The following NELL1 variants were observed in gnomAD, a reference collection of about 807,000 sequenced individuals.
NELL1 encodes the protein neural EGFL like 1, also known as protein kinase C-binding protein NELL1.
In NELL1, 76 loss-of-function variants were observed where a neutral mutation model predicts 107.4. The ratio of observed to expected loss-of-function variants is 0.71; its 90% confidence interval spans 0.59 to 0.86. NELL1 has a LOEUF of 0.86. NELL1 is among the 40% of genes least tolerant of loss of function. NELL1 has a pLI of 0.00. For missense variants in NELL1, 1,024 were observed against 1,005.5 expected, an observed-to-expected ratio of 1.02 and a Z score of -0.25; for synonymous variants, 353 against 341.2, an observed-to-expected ratio of 1.03 and a Z score of -0.38.
chr11:21,452,392 C>G (rs1230092903), intron 15 of NELL1, among the ~76,000 whole-genome samples: 1 of 152,006 alleles, frequency 6.6e-6, no homozygotes, highest in Non-Finnish European at 1.5e-5. Flanking sequence ...TTGAAGTTTT[C>G]TATTTTTTCC....
chr11:21,337,817 C>CTTCTTTCTTTCTTGCTTTCCTTCT (rs1850460057), intron 14 of NELL1, among the ~76,000 whole-genome samples: 1 of 32,374 alleles, frequency 3.1e-5, no homozygotes, highest in Non-Finnish European at 6.7e-5. Context: ...TCTTGCTTTC[C>CTTCTTTCTTTCTTGCTTTCCTTCT]TTCTTTCTTT....
chr11:21,232,147 T>TAAA lies in NELL1; in HGVS notation c.1549+2704_1549+2706dup, dbSNP rs869244876. On this transcript the variant is annotated intron_variant, in intron 14 of 19. Coordinates refer to ENST00000357134, the MANE Select transcript of NELL1 (RefSeq NM_006157.5). Reference sequence around the variant, plus strand: ...AAACTCCATCTCTACTAAAAAAAAATAAAAAAAAAAAAATATATATATATA... The same window carrying TAAA: ...AAACTCCATCTCTACTAAAAAAAAATAAAAAAAAAAAAAAAATATATATATATA... Among the ~76,000 whole-genome samples, 76 of 90,498 alleles carry TAAA rather than the reference T, an allele frequency of 8.4e-4. 1 individual carries two copies. The highest frequency in any genetic ancestry group is 5.7e-3 in the Middle Eastern group (1 of 176). The allele number at this position is 90,498 out of a possible 152,430, so 59.4% of individuals were successfully genotyped here. A position where few individuals can be genotyped will look rare whatever the true frequency, so the allele number is the denominator to read the frequency against.
rs141449951 is a variant in NELL1, at chr11:21,493,713, A to C, written c.1646-40661A>C. On this transcript the variant is annotated intron_variant, in intron 15 of 19. Coordinates refer to ENST00000357134, the MANE Select transcript of NELL1 (RefSeq NM_006157.5). The stretch of plus-strand genomic sequence containing the variant: ...AGATAGGGTGACTATAGTTAGCAAG[A>C]ATGTATTATGTATTTAAAAGAAGTT... Among the ~76,000 whole-genome samples the C allele has an allele frequency of 7.9e-3, 1,195 of 152,136 alleles. 21 individuals are homozygous for C. Among genetic ancestry groups the C allele is most frequent in the African/African-American group, 0.028 (1,148 of 41,556 alleles).
chr11:20,958,997 C>T (rs776394230), intron 11 of NELL1, among the ~76,000 whole-genome samples: 2 of 152,096 alleles, frequency 1.3e-5, no homozygotes, highest in Non-Finnish European at 2.9e-5. Flanking sequence ...AAGTACAGTC[C>T]GATGGCATTT....
chr11:21,423,952 A>G (rs1426535177), intron 15 of NELL1, among the ~76,000 whole-genome samples: 1 of 152,254 alleles, frequency 6.6e-6, no homozygotes, highest in African/African-American at 2.4e-5. Context: ...TAACACACCC[A>G]AAGTTACAGC....
chr11:20,833,198 C>T (rs1230655145), intron 3 of NELL1, among the ~76,000 whole-genome samples: 2 of 152,158 alleles, frequency 1.3e-5, no homozygotes, highest in Non-Finnish European at 2.9e-5. Context: ...AATAGTACCT[C>T]CTTCTAGAGG....
chr11:21,348,111 A>AAAAAATAGG (rs1850724858), intron 14 of NELL1, among the ~76,000 whole-genome samples: 1 of 152,078 alleles, frequency 6.6e-6, no homozygotes, highest in Non-Finnish European at 1.5e-5. Context: ...TGTCTTCCAG[A>AAAAAATAGG]ATAATTTTTT....
At chr11:21,181,945 C>G (rs1353594440) in intron 13 of NELL1, among the ~76,000 whole-genome samples, 1 of 151,858 alleles carries the variant, frequency 6.6e-6, no homozygotes, top group Admixed American at 6.6e-5. Context: ...TATTCTAAGA[C>G]TTTACATATA....
At chr11:20,902,690 T>G (rs1371902247) in intron 5 of NELL1, among the ~76,000 whole-genome samples, 1 of 152,084 alleles carries the variant, frequency 6.6e-6, no homozygotes, top group Non-Finnish European at 1.5e-5. Flanking sequence ...TTTTTTTGTT[T>G]TGGTAATTTC....
intron 2 of NELL1, among the ~76,000 whole-genome samples, chr11:20,766,732 A>G (rs1445179921): frequency 1.3e-5 from 2 of 149,646 alleles, no homozygotes; most frequent in African/African-American, 2.5e-5. Context: ...CCTATTTCCT[A>G]TTGACATATT....
chr11:20,768,794 TC>T (rs999422060), intron 2 of NELL1, among the ~76,000 whole-genome samples: 23 of 152,116 alleles, frequency 1.5e-4, no homozygotes, highest in Non-Finnish European at 3.1e-4. Flanking sequence ...GGAAACAGTC[TC>T]CCCTAGAGCT....
At chr11:20,862,151 A>G (rs1848989952) in intron 4 of NELL1, among the ~76,000 whole-genome samples, 1 of 152,148 alleles carries the variant, frequency 6.6e-6, no homozygotes, top group African/African-American at 2.4e-5. Flanking sequence ...TGTGTCTGGT[A>G]AGTAAGTGTT....
At chr11:21,470,895 T>C (rs1486737418) in intron 15 of NELL1, among the ~76,000 whole-genome samples, 6 of 152,142 alleles carry the variant, frequency 3.9e-5, no homozygotes, top group African/African-American at 1.4e-4. Flanking sequence ...ATTTGTAAAA[T>C]GGTAAAAATA....
Position 20,936,422 on chromosome 11 carries a change from C to T in NELL1, c.998-1364C>T, listed in dbSNP as rs115724871. ...CATCCACTACAGGGTATGACGTTAACTTAGGCATGTCCCTGGACTTTCTTC... is the reference window on the plus strand; with the variant it reads ...CATCCACTACAGGGTATGACGTTAATTTAGGCATGTCCCTGGACTTTCTTC... On this transcript the variant is annotated intron_variant, in intron 9 of 19. Transcript: ENST00000357134. Among the ~76,000 whole-genome samples, 776 of 152,258 alleles carry T rather than the reference C, an allele frequency of 5.1e-3. 5 individuals are homozygous for T. The highest frequency in any genetic ancestry group is 0.018 in the African/African-American group (748 of 41,538).
chr11:21,282,951 T>G (rs994451728), intron 14 of NELL1, among the ~76,000 whole-genome samples: 1 of 152,172 alleles, frequency 6.6e-6, no homozygotes, highest in Non-Finnish European at 1.5e-5. Flanking sequence ...ATGTTCTTAC[T>G]TATTTGTGGG....
chr11:21,305,974 A>G (rs774134585), intron 14 of NELL1, among the ~76,000 whole-genome samples: 25 of 151,976 alleles, frequency 1.6e-4, no homozygotes, highest in Non-Finnish European at 2.6e-4. Context: ...TACTGGATCA[A>G]AGGATATAAA....
intron 16 of NELL1, among the ~76,000 whole-genome samples, chr11:21,546,977 G>T (rs1856458719): frequency 6.6e-6 from 1 of 151,954 alleles, no homozygotes; most frequent in South Asian, 2.1e-4. Context: ...GTCAGTGTTA[G>T]TTCCTGTACT....
intron 11 of NELL1, among the ~76,000 whole-genome samples, chr11:20,950,328 T>C (rs1851045497): frequency 6.6e-6 from 1 of 152,222 alleles, no homozygotes; most frequent in Admixed American, 6.5e-5. Context: ...AACCCTGCAA[T>C]TTAAATGACA....
intron 15 of NELL1, among the ~76,000 whole-genome samples, chr11:21,446,678 G>T (rs1853440915): frequency 6.6e-6 from 1 of 152,240 alleles, no homozygotes; most frequent in South Asian, 2.1e-4. Flanking sequence ...CTGGAGCTGA[G>T]TTAGGGGTAG....
Sources: allele counts gnomAD v4.1 joint callset (sites outside exome capture counted in the v4.1 genomes callset), GRCh38; gene constraint gnomAD v4.1.1; transcripts MANE v1.5; gene names NCBI Gene and HGNC (gene_info 2026-07-23, HGNC 2026-07-21).